The following LY96 variants were observed in gnomAD, a reference collection of about 807,000 sequenced individuals.
The protein encoded by LY96 is myeloid differentiation protein-2.
Under a neutral mutation model 18.9 loss-of-function variants are expected in LY96, and 18 were observed. The ratio of observed to expected loss-of-function variants is 0.95; its 90% CI spans 0.66 to 1.41. The LOEUF (loss-of-function observed/expected upper bound fraction) is 1.41, where lower values mean the gene tolerates loss of function less well. Ranked by LOEUF, LY96 falls within the 40% of genes most tolerant of loss-of-function variation. LY96 has a pLI of 0.00. For synonymous variants in LY96, 66 were observed against 62.6 expected (o/e 1.06, Z -0.26); for missense variants, 175 against 182.4 (o/e 0.96, Z 0.23).
intron 1 of LY96, among the ~76,000 whole-genome samples, chr8:74,001,956 T>TTCCTTCCTTCCTTCCTTCCTTCCC (rs1816279935): frequency 6.9e-6 from 1 of 144,004 alleles, no homozygotes; most frequent in African/African-American, 2.6e-5. Context: ...CCTTCCTTCC[T>TTCCTTCCTTCCTTCCTTCCTTCCC]TCCTTCCTTC....
downstream of LY96, among the ~76,000 whole-genome samples, chr8:74,032,721 CTACTT>C (rs1468847189): frequency 1.3e-5 from 2 of 152,160 alleles, no homozygotes; most frequent in African/African-American, 4.8e-5. Context: ...GTAAAAATAA[CTACTT>C]TAAGGATAGA....
the LY96 span, among the ~76,000 whole-genome samples, chr8:74,046,752 C>T: frequency 6.6e-6 from 1 of 152,248 alleles, no homozygotes; most frequent in East Asian, 1.9e-4. Flanking sequence ...GAAGGGTAAA[C>T]TATGAATTTA....
intron 3 of LY96, among the ~76,000 whole-genome samples, chr8:74,015,558 C>T (rs1022180520): frequency 8.4e-4 from 128 of 152,300 alleles, no homozygotes; most frequent in African/African-American, 3.0e-3. Flanking sequence ...CTAGGGCCCA[C>T]CCTAATGACC....
chr8:74,021,105 A>G (rs1300565137), intron 3 of LY96, among the ~76,000 whole-genome samples: 1 of 152,238 alleles, frequency 6.6e-6, no homozygotes, highest in African/African-American at 2.4e-5. Flanking sequence ...CTGCACAACA[A>G]AAGAAACTGT....
the LY96 span, among the ~76,000 whole-genome samples, chr8:74,075,099 A>G: frequency 1.3e-5 from 2 of 152,312 alleles, no homozygotes; most frequent in South Asian, 4.1e-4. Flanking sequence ...GTCTACAGCT[A>G]TTATTATATT....
At chr8:74,096,154 C>T in the LY96 span, among the ~76,000 whole-genome samples, 1 of 152,192 alleles carries the variant, frequency 6.6e-6, no homozygotes, top group African/African-American at 2.4e-5. Flanking sequence ...CCACTTTGGT[C>T]TGATCCACAA....
chr8:74,080,686 T>A, the LY96 span, among the ~76,000 whole-genome samples: 1 of 152,214 alleles, frequency 6.6e-6, no homozygotes, highest in Non-Finnish European at 1.5e-5. Context: ...ATGTGCTTTT[T>A]CTGGCCTGGT....
At chr8:74,021,330 T>C (rs1337489869) in intron 3 of LY96, among the ~76,000 whole-genome samples, 1 of 152,218 alleles carries the variant, frequency 6.6e-6, no homozygotes, top group Admixed American at 6.5e-5. Flanking sequence ...ATGCTCATCA[T>C]CACTGGTCAT....
At chr8:74,091,144 G>C in the LY96 span, among the ~76,000 whole-genome samples, 1 of 152,112 alleles carries the variant, frequency 6.6e-6, no homozygotes, top group African/African-American at 2.4e-5. Context: ...AGAAAGTGAG[G>C]CTACAGTAAT....
chr8:74,025,019 G>A (rs772115053), intron 3 of LY96, among the ~76,000 whole-genome samples: 1 of 152,032 alleles, frequency 6.6e-6, no homozygotes, highest in Admixed American at 6.6e-5. Flanking sequence ...TACAGATAAG[G>A]CTTCACCATG....
the LY96 span, among the ~76,000 whole-genome samples, chr8:74,060,607 A>G: frequency 6.6e-6 from 1 of 152,344 alleles, no homozygotes; most frequent in East Asian, 1.9e-4. Context: ...GATGGAGTAA[A>G]TGAATAAACC....
chr8:74,007,210 G>GA (rs1320070572), intron 2 of LY96, among the ~76,000 whole-genome samples: 1 of 152,184 alleles, frequency 6.6e-6, no homozygotes, highest in Non-Finnish European at 1.5e-5. Context: ...AGCAGCCTAC[G>GA]AGAGGGTGGC....
chr8:74,079,091 C>T, the LY96 span, among the ~76,000 whole-genome samples: 2 of 152,188 alleles, frequency 1.3e-5, no homozygotes, highest in African/African-American at 4.8e-5. Flanking sequence ...TCAGCCCTCA[C>T]CAAAGTGGCT....
At chr8:74,078,659 A>G in the LY96 span, among the ~76,000 whole-genome samples, 2 of 152,152 alleles carry the variant, frequency 1.3e-5, no homozygotes, top group Non-Finnish European at 2.9e-5. Flanking sequence ...CTGGGGCAGC[A>G]TATTCTGTGT....
chr8:74,074,867 T>C, the LY96 span, among the ~76,000 whole-genome samples: 2 of 152,232 alleles, frequency 1.3e-5, no homozygotes, highest in African/African-American at 2.4e-5. Flanking sequence ...TTATTTCAAT[T>C]TTTTTGAATG....
chr8:74,031,155 C>T (rs995916830), downstream of LY96, among the ~76,000 whole-genome samples: 1 of 151,944 alleles, frequency 6.6e-6, no homozygotes, highest in African/African-American at 2.4e-5. Flanking sequence ...GTAATTTCCT[C>T]CTTTCCTGTC....
the LY96 span, among the ~76,000 whole-genome samples, chr8:74,041,694 T>C: frequency 2.6e-5 from 4 of 152,122 alleles, no homozygotes; most frequent in African/African-American, 9.7e-5. Flanking sequence ...TCAGGCTTAT[T>C]AGGGTGGGGA....
At chr8:74,012,334 C>T (rs1203614778) in intron 3 of LY96, among the ~76,000 whole-genome samples, 1 of 152,102 alleles carries the variant, frequency 6.6e-6, no homozygotes, top group Non-Finnish European at 1.5e-5. Flanking sequence ...TATATTTACA[C>T]AATGGAATAC....
At chr8:74,065,342 C>T in the LY96 span, among the ~76,000 whole-genome samples, 3 of 152,170 alleles carry the variant, frequency 2.0e-5, no homozygotes, top group Admixed American at 2.0e-4. Context: ...CAGAATAAAC[C>T]TCTTTAAATA....
Sources: allele counts gnomAD v4.1 joint callset (sites outside exome capture counted in the v4.1 genomes callset), GRCh38; gene constraint gnomAD v4.1.1; transcripts MANE v1.5; gene names NCBI Gene and HGNC (gene_info 2026-07-23, HGNC 2026-07-21).